Variants in SRPK2 observed in about 807,000 individuals in gnomAD.
SRPK2 encodes the protein SFRS protein kinase 2.
SRPK2 carries 21 observed loss-of-function variants against 90.8 expected under a neutral mutation model. The ratio of observed to expected loss-of-function variants is 0.23; its 90% CI spans 0.16 to 0.33. SRPK2 has a LOEUF of 0.33. SRPK2 is among the 10% of genes least tolerant of loss of function. The pLI, the probability that SRPK2 is intolerant of heterozygous loss-of-function variation, is 1.00. For synonymous variants in SRPK2, 288 were observed against 311.1 expected (o/e 0.93, Z 0.78); for missense variants, 620 against 869.0 (o/e 0.71, Z 3.60).
intron 2 of SRPK2, among the ~76,000 whole-genome samples, chr7:105,346,227 T>A (rs1381823791): frequency 6.6e-6 from 1 of 152,212 alleles, no homozygotes. Flanking sequence ...TATTTCATCA[T>A]CAGTAACTAT....
chr7:105,166,848 C>T (rs538395708), intron 6 of SRPK2, among the ~76,000 whole-genome samples: 60 of 152,252 alleles, frequency 3.9e-4, no homozygotes, highest in Admixed American at 2.2e-3. Context: ...ATTTGAAAGG[C>T]TCAGTTGTAT....
intron 3 of SRPK2, among the ~76,000 whole-genome samples, chr7:105,191,636 T>A (rs1021669736): frequency 6.6e-6 from 1 of 152,150 alleles, no homozygotes; most frequent in Admixed American, 6.5e-5. Flanking sequence ...GTACTATTCT[T>A]CTGATTATTC....
rs532521287 is a variant in SRPK2, at chr7:105,144,904, C to T, written c.813+379G>A. On this transcript the variant is annotated intron_variant, in intron 9 of 15. Transcript: ENST00000393651. ...GGCAGATAACTTGAGGTTAAGAGTT[C>T]GAGACCAGTCTGGCCAACATGGTGA... is the stretch of plus-strand genomic sequence containing the variant. Among the ~76,000 whole-genome samples the T allele has an allele frequency of 7.2e-5, 11 of 152,098 alleles. No homozygotes were observed. In the East Asian group the frequency reaches 1.4e-3, roughly 19 times the overall value.
intron 2 of SRPK2, among the ~76,000 whole-genome samples, chr7:105,361,722 G>A (rs1388304913): frequency 1.3e-5 from 2 of 152,046 alleles, no homozygotes; most frequent in African/African-American, 4.8e-5. Context: ...CAAGCAATGG[G>A]GAAAGCATTC....
At chr7:105,209,290 A>C (rs7794285) in intron 2 of SRPK2, among the ~76,000 whole-genome samples, 2 of 151,934 alleles carry the variant, frequency 1.3e-5, no homozygotes, top group Non-Finnish European at 2.9e-5. Context: ...TGGCCCCCAC[A>C]GGTGATCCCA....
chr7:105,175,461 A>C (rs1791717620), intron 3 of SRPK2, among the ~76,000 whole-genome samples: 1 of 152,102 alleles, frequency 6.6e-6, no homozygotes, highest in South Asian at 2.1e-4. Context: ...ACCTTAGAAA[A>C]CTAAAAAAAT....
At chr7:105,231,788 T>C (rs1162315939) in intron 2 of SRPK2, among the ~76,000 whole-genome samples, 1 of 152,250 alleles carries the variant, frequency 6.6e-6, no homozygotes, top group Non-Finnish European at 1.5e-5. Context: ...GTTTAAGTTC[T>C]TTATAGATGC....
chr7:105,158,446 G>A (rs1284101675), intron 7 of SRPK2, among the ~76,000 whole-genome samples: 2 of 152,042 alleles, frequency 1.3e-5, no homozygotes, highest in African/African-American at 4.8e-5. Flanking sequence ...GTAGAGATGG[G>A]GTTTCACCAT....
intron 2 of SRPK2, among the ~76,000 whole-genome samples, chr7:105,297,220 ATAAAG>A (rs1002816573): frequency 5.3e-5 from 8 of 152,214 alleles, no homozygotes; most frequent in Non-Finnish European, 2.9e-5. Context: ...CTTTTGGAAT[ATAAAG>A]TAAAAACAAG....
intron 2 of SRPK2, among the ~76,000 whole-genome samples, chr7:105,322,138 G>A (rs1336291147): frequency 6.6e-6 from 1 of 152,220 alleles, no homozygotes; most frequent in Non-Finnish European, 1.5e-5. Flanking sequence ...TGTTGGGCCA[G>A]GCACAGTGGC....
At position 105,244,747 on chromosome 7, in the gene SRPK2, T is replaced by G. The variant is rs537798389; in HGVS notation, c.72-40962A>C. The G allele has an allele frequency of 3.7e-6, 4 of 1,077,528 alleles. No homozygotes were observed. In the East Asian group the frequency reaches 9.4e-5, roughly 25 times the overall value. The allele number at this position is 1,077,528 out of a possible 1,614,324, so 66.7% of individuals were successfully genotyped here. The stretch of plus-strand genomic sequence containing the variant: ...CCAGGCACAGCCGCCGCCGCGGGCG[T>G]CTGACCAAACACACCAAGTTTGTGC... On this transcript the variant is annotated intron_variant, in intron 2 of 15. Transcript: ENST00000393651.
At chr7:105,162,173 C>T (rs1807767114) in intron 6 of SRPK2, among the ~76,000 whole-genome samples, 1 of 152,188 alleles carries the variant, frequency 6.6e-6, no homozygotes, top group Non-Finnish European at 1.5e-5. Flanking sequence ...TCCCAAATAG[C>T]TGGGATTACA....
intron 3 of SRPK2, among the ~76,000 whole-genome samples, chr7:105,202,535 C>T (rs1487935146): frequency 2.0e-5 from 3 of 152,194 alleles, no homozygotes; most frequent in Non-Finnish European, 4.4e-5. Flanking sequence ...CTCCTAGATT[C>T]TCAGTTGGGT....
intron 2 of SRPK2, among the ~76,000 whole-genome samples, chr7:105,301,044 GC>G (rs1563212625): frequency 6.6e-6 from 1 of 152,148 alleles, no homozygotes; most frequent in Non-Finnish European, 1.5e-5. Flanking sequence ...TATAAATCAT[GC>G]CACTATAAAG....
At chr7:105,218,411 A>G (rs575131462) in intron 2 of SRPK2, among the ~76,000 whole-genome samples, 22 of 152,338 alleles carry the variant, frequency 1.4e-4, no homozygotes, top group Admixed American at 3.3e-4. Context: ...GCATGTCACC[A>G]GGTGACTGAT....
intron 11 of SRPK2, among the ~76,000 whole-genome samples, chr7:105,135,522 G>A (rs941803402): frequency 5.9e-5 from 9 of 152,220 alleles, no homozygotes; most frequent in African/African-American, 9.6e-5. Context: ...AGAAGAGGGC[G>A]AAGCCCGGTT....
At chr7:105,309,524 T>C (rs1469125250) in intron 2 of SRPK2, among the ~76,000 whole-genome samples, 1 of 152,186 alleles carries the variant, frequency 6.6e-6, no homozygotes, top group Non-Finnish European at 1.5e-5. Context: ...TAATTAGCCA[T>C]TCAGAAAGCC....
intron 1 of SRPK2, among the ~76,000 whole-genome samples, chr7:105,398,160 G>A (rs987067047): frequency 3.3e-5 from 5 of 152,066 alleles, no homozygotes; most frequent in African/African-American, 4.8e-5. Context: ...TCCCCAATCT[G>A]TTACAATGAA....
intron 2 of SRPK2, among the ~76,000 whole-genome samples, chr7:105,240,960 A>G (rs1239472133): frequency 6.6e-6 from 1 of 152,186 alleles, no homozygotes; most frequent in African/African-American, 2.4e-5. Context: ...CTGTTTTTTA[A>G]AGAATGTTCC....
Sources: gnomAD v4.1 joint callset for allele counts (sites outside exome capture counted in the v4.1 genomes callset) on GRCh38, gnomAD v4.1.1 for gene constraint, MANE v1.5 for transcripts, NCBI Gene and HGNC (gene_info 2026-07-23, HGNC 2026-07-21) for gene names.